The following KCNG3 variants were observed in gnomAD, a reference collection of about 807,000 sequenced individuals.
The protein encoded by KCNG3 is potassium voltage-gated channel modifier subfamily G member 3.
In KCNG3, 15 loss-of-function variants were observed where a neutral mutation model predicts 29.0. The ratio of observed to expected loss-of-function variants is 0.52; its 90% CI spans 0.35 to 0.80. KCNG3 has a LOEUF of 0.80. Ranked by LOEUF, KCNG3 falls within the 30% of genes least tolerant of loss-of-function variation. KCNG3 has a pLI of 0.01. For missense variants in KCNG3, 512 were observed against 605.7 expected (o/e 0.85, Z 1.62); for synonymous variants, 322 against 248.9 (o/e 1.29, Z -2.76).
chr2:42,461,182 CAAAAA>C lies in KCNG3; in HGVS notation c.666-16608_666-16604del, dbSNP rs34199989. On this transcript the variant is annotated intron_variant, in intron 1 of 1. Transcript: ENST00000306078. ...TCTCCAAAAACAAAACAAAACAAAA[CAAAAA>C]AAAAAAAAAAAAAAAAAAGGTAGAC... Among the ~76,000 whole-genome samples the C allele has an allele frequency of 1.1e-3, 63 of 56,412 alleles. 2 individuals carry two copies. The East Asian group carries it at 0.031, about 28-fold the overall frequency. The allele number at this position is 56,412 out of a possible 152,430, so 37.0% of individuals were successfully genotyped here.
the KCNG3 span, among the ~76,000 whole-genome samples, chr2:42,404,887 T>G: frequency 6.6e-6 from 1 of 152,208 alleles, no homozygotes; most frequent in South Asian, 2.1e-4. Flanking sequence ...TAACTAGATA[T>G]GGCACTGCTG....
the KCNG3 span, among the ~76,000 whole-genome samples, chr2:42,419,557 G>C: frequency 2.6e-5 from 4 of 151,984 alleles, no homozygotes; most frequent in Non-Finnish European, 5.9e-5. Flanking sequence ...CCAGCCCTCA[G>C]ATGGTATTTC....
At chr2:42,487,587 A>G (rs1673759364) in intron 1 of KCNG3, among the ~76,000 whole-genome samples, 1 of 152,148 alleles carries the variant, frequency 6.6e-6, no homozygotes, top group Admixed American at 6.5e-5. Context: ...ACCATTTTTC[A>G]CTTTTCAGCA....
chr2:42,461,797 T>A (rs1673024411), intron 1 of KCNG3, among the ~76,000 whole-genome samples: 1 of 152,198 alleles, frequency 6.6e-6, no homozygotes, highest in Non-Finnish European at 1.5e-5. Context: ...AGTTCATTAG[T>A]AAAAGAATTA....
the KCNG3 span, among the ~76,000 whole-genome samples, chr2:42,406,721 G>A: frequency 4.0e-5 from 6 of 151,494 alleles, no homozygotes; most frequent in South Asian, 1.3e-3. Context: ...CAGATACTTG[G>A]GGGGCTGAGG....
chr2:42,444,662 C>A lies in KCNG3; in HGVS notation c.666-83G>T, dbSNP rs1672556508. 1 of 1,209,518 alleles carries A rather than the reference C, an allele frequency of 8.3e-7. No homozygotes were observed. The allele number at this position is 1,209,518 out of a possible 1,614,324, so 74.9% of individuals were successfully genotyped here. A position where few individuals can be genotyped will look rare whatever the true frequency, so the allele number is the denominator to read the frequency against. On this transcript the variant is annotated intron_variant, in intron 1 of 1. Transcript: ENST00000306078. This position sits in a 1 kb window ranked among gnomAD's most constrained non-coding sequence, Gnocchi z 5.8. ...TTAGATTTCTTCAGATAGTACTACA[C>A]TGACATACTAATTCAGTTACTTTTC...
the KCNG3 span, among the ~76,000 whole-genome samples, chr2:42,412,231 T>C: frequency 6.6e-6 from 1 of 152,242 alleles, no homozygotes; most frequent in Non-Finnish European, 1.5e-5. Context: ...TTATGTATCT[T>C]CTAAAATTTT....
At chr2:42,435,247 G>A in the KCNG3 span, among the ~76,000 whole-genome samples, 5 of 152,290 alleles carry the variant, frequency 3.3e-5, no homozygotes, top group Non-Finnish European at 5.9e-5. Flanking sequence ...AGGTTGCAGT[G>A]AGCCGAGATC....
chr2:42,461,018 A>G (rs943842817), intron 1 of KCNG3, among the ~76,000 whole-genome samples: 6 of 151,758 alleles, frequency 4.0e-5, no homozygotes, highest in African/African-American at 1.4e-4. Flanking sequence ...AAAATTAGCC[A>G]GGCGTGGCAG....
intron 1 of KCNG3, among the ~76,000 whole-genome samples, chr2:42,468,749 T>A (rs1344439376): frequency 6.6e-6 from 1 of 151,412 alleles, no homozygotes; most frequent in Non-Finnish European, 1.5e-5. Flanking sequence ...AGTCAGGAGT[T>A]CAAGACCAAC....
At chr2:42,396,857 G>T in the KCNG3 span, among the ~76,000 whole-genome samples, 1 of 152,158 alleles carries the variant, frequency 6.6e-6, no homozygotes, top group African/African-American at 2.4e-5. Flanking sequence ...GTCACTCGTT[G>T]GGGCATGATT....
intron 1 of KCNG3, among the ~76,000 whole-genome samples, chr2:42,449,086 T>C (rs1349728696): frequency 1.3e-5 from 2 of 152,220 alleles, no homozygotes; most frequent in Non-Finnish European, 2.9e-5. Context: ...GATTTTGGTA[T>C]ATGTGGGGGG....
At chr2:42,398,427 A>G in the KCNG3 span, among the ~76,000 whole-genome samples, 2 of 152,044 alleles carry the variant, frequency 1.3e-5, no homozygotes, top group Admixed American at 6.5e-5. Flanking sequence ...ACAGTGTCCC[A>G]GGAAGAGCCC....
At chr2:42,397,568 G>T in the KCNG3 span, among the ~76,000 whole-genome samples, 2 of 152,152 alleles carry the variant, frequency 1.3e-5, no homozygotes, top group Non-Finnish European at 2.9e-5. Flanking sequence ...GGCTTATAAG[G>T]ACTGAAATCA....
chr2:42,410,494 A>G, the KCNG3 span, among the ~76,000 whole-genome samples: 1 of 152,284 alleles, frequency 6.6e-6, no homozygotes, highest in East Asian at 1.9e-4. Context: ...TTGATAGGTG[A>G]AAAATGGCAC....
intron 1 of KCNG3, among the ~76,000 whole-genome samples, chr2:42,465,257 C>T (rs1673114023): frequency 6.6e-6 from 1 of 151,212 alleles, no homozygotes; most frequent in South Asian, 2.1e-4. Flanking sequence ...GGCTCTGTCG[C>T]TCAGCCTGGA....
At chr2:42,473,905 A>T (rs1352219314) in intron 1 of KCNG3, among the ~76,000 whole-genome samples, 1 of 152,028 alleles carries the variant, frequency 6.6e-6, no homozygotes, top group Admixed American at 6.6e-5. Context: ...TAATCCCACC[A>T]CTTTGGGAAG....
At chr2:42,431,614 G>C in the KCNG3 span, among the ~76,000 whole-genome samples, 16 of 152,298 alleles carry the variant, frequency 1.1e-4, no homozygotes, top group Admixed American at 2.6e-4. Flanking sequence ...ACTCGCAAGT[G>C]AGCTTCCAAC....
At chr2:42,465,200 A>G (rs1673110975) in intron 1 of KCNG3, among the ~76,000 whole-genome samples, 1 of 151,616 alleles carries the variant, frequency 6.6e-6, no homozygotes, top group African/African-American at 2.4e-5. Context: ...TTTTAAGAGT[A>G]TTTAATTTCT....
Sources: allele counts gnomAD v4.1 joint callset (sites outside exome capture counted in the v4.1 genomes callset), GRCh38; gene constraint gnomAD v4.1.1; non-coding constraint Gnocchi (gnomAD v3.1); transcripts MANE v1.5; gene names NCBI Gene and HGNC (gene_info 2026-07-23, HGNC 2026-07-21).